PALM2AKAP2: variants seen among roughly 807,000 people sequenced by gnomAD.
PALM2AKAP2 encodes PALM2-AKAP2 fusion protein.
PALM2AKAP2 carries 37 observed loss-of-function variants against 71.5 expected under a neutral mutation model. The ratio of observed to expected loss-of-function variants is 0.52; its 90% CI spans 0.40 to 0.68. The LOEUF (loss-of-function observed/expected upper bound fraction) is 0.68, where lower values mean the gene tolerates loss of function less well. Among genes scored for constraint, PALM2AKAP2 ranks in the 30% least tolerant of loss-of-function variants. The probability of loss-of-function intolerance (pLI) is 0.00; values close to 1 mark genes in which losing one functional copy is unlikely to be tolerated. For missense variants in PALM2AKAP2, 1,224 were observed against 1,191.8 expected (o/e 1.03, Z -0.40); for synonymous variants, 468 against 478.8 (o/e 0.98, Z 0.29).
intron 2 of PALM2AKAP2, among the ~76,000 whole-genome samples, chr9:109,875,533 T>C (rs1236321327): frequency 6.6e-6 from 1 of 152,168 alleles, no homozygotes; most frequent in Non-Finnish European, 1.5e-5. Flanking sequence ...GGAGTTCTTT[T>C]AGATTATGGT....
At chr9:110,079,930 C>T (rs760312800) in intron 1 of PALM2AKAP2, among the ~76,000 whole-genome samples, 11 of 151,736 alleles carry the variant, frequency 7.2e-5, no homozygotes, top group Admixed American at 2.0e-4. Context: ...ATTTGCTGGG[C>T]GTGGTGGCAG....
upstream of PALM2AKAP2, among the ~76,000 whole-genome samples, chr9:109,779,079 T>C (rs766645852): frequency 1.3e-5 from 2 of 152,240 alleles, no homozygotes; most frequent in African/African-American, 2.4e-5. Context: ...CTGATGTGTA[T>C]ATCTTTTAAC....
At chr9:109,994,126 G>A (rs1362538657) in intron 6 of PALM2AKAP2, among the ~76,000 whole-genome samples, 1 of 152,208 alleles carries the variant, frequency 6.6e-6, no homozygotes, top group Non-Finnish European at 1.5e-5. Flanking sequence ...AGGGAGGACG[G>A]GAGGAACTCC....
intron 1 of PALM2AKAP2, among the ~76,000 whole-genome samples, chr9:109,683,855 C>T (rs1827772015): frequency 6.6e-6 from 1 of 151,750 alleles, no homozygotes; most frequent in African/African-American, 2.4e-5. Flanking sequence ...ATTAATTATA[C>T]ATGATAATGT....
At chr9:109,863,452 G>T (rs1829367096) in intron 1 of PALM2AKAP2, among the ~76,000 whole-genome samples, 1 of 152,202 alleles carries the variant, frequency 6.6e-6, no homozygotes, top group African/African-American at 2.4e-5. Context: ...GCTTGAGATG[G>T]TGACTGCATG....
intron 7 of PALM2AKAP2, among the ~76,000 whole-genome samples, chr9:110,043,127 T>G (rs1337071985): frequency 6.6e-6 from 1 of 152,160 alleles, no homozygotes; most frequent in Non-Finnish European, 1.5e-5. Context: ...TTCTTACTTG[T>G]TACATCCATT....
intron 6 of PALM2AKAP2, among the ~76,000 whole-genome samples, chr9:109,999,174 A>G (rs1438076605): frequency 1.3e-5 from 2 of 152,008 alleles, no homozygotes; most frequent in Non-Finnish European, 2.9e-5. Context: ...TCCCGTCTCT[A>G]CTAAAAATAC....
chr9:110,053,636 G>T (rs910352905), intron 1 of PALM2AKAP2, among the ~76,000 whole-genome samples: 6 of 151,976 alleles, frequency 3.9e-5, no homozygotes, highest in African/African-American at 1.4e-4. Flanking sequence ...AGAGTGCCCC[G>T]CATAGGCCGT....
chr9:109,705,720 T>C (rs7047739), intron 1 of PALM2AKAP2, among the ~76,000 whole-genome samples: 6,472 of 152,270 alleles, frequency 0.043, 277 homozygotes, highest in African/African-American at 0.11. Context: ...AGTGCACAGA[T>C]ATTTGGAGTC....
chr9:109,666,159 C>A (rs541406209), intron 1 of PALM2AKAP2, among the ~76,000 whole-genome samples: 1 of 152,284 alleles, frequency 6.6e-6, no homozygotes, highest in Admixed American at 6.5e-5. Flanking sequence ...GAGGTGATGC[C>A]CTGCCCTGCT....
chr9:110,013,664 T>G (rs1832923265), intron 6 of PALM2AKAP2, among the ~76,000 whole-genome samples: 2 of 152,234 alleles, frequency 1.3e-5, no homozygotes, highest in Non-Finnish European at 2.9e-5. Context: ...AATTGAATTA[T>G]AGCCAAACAG....
exon 2 of PALM2AKAP2, chr9:110,136,277 C>T: frequency 6.2e-7 from 1 of 1,614,106 alleles, no homozygotes. Context: ...TAAAAGTGTT[C>T]CTGGAATCAC....
rs570513030 is a variant in PALM2AKAP2, at chr9:109,989,892, A to G, written c.497-26062A>G. Reference sequence around the variant, plus strand: ...CCTAAAGATCCCTCTCCTAATCTAAATGCTGAACTTCCACGTCAGTTAAGG... The same window carrying G: ...CCTAAAGATCCCTCTCCTAATCTAAGTGCTGAACTTCCACGTCAGTTAAGG... On this transcript the variant is annotated intron_variant, in intron 6 of 9. Transcript: ENST00000302798. Among the ~76,000 whole-genome samples, 144 of 152,322 alleles carry G rather than the reference A, an allele frequency of 9.5e-4. 2 individuals are homozygous for G. The highest frequency in any genetic ancestry group is 3.4e-3 in the African/African-American group (140 of 41,570).
chr9:109,919,733 A>C (rs1341817065), intron 3 of PALM2AKAP2, among the ~76,000 whole-genome samples: 1 of 85,078 alleles, frequency 1.2e-5, no homozygotes, highest in Non-Finnish European at 2.4e-5. Context: ...GTGTGTATAC[A>C]TATGTGTGTG....
intron 1 of PALM2AKAP2, among the ~76,000 whole-genome samples, chr9:109,769,372 A>G (rs568424122): frequency 6.6e-6 from 1 of 152,286 alleles, no homozygotes; most frequent in African/African-American, 2.4e-5. Context: ...CTGGGGTTTG[A>G]AACCTGATGC....
rs546105204 is a variant in PALM2AKAP2, at chr9:110,103,812, A to G, written c.157-32315A>G. ...ATCTGAGGCCAAGACCTCCAGAATTAGATGGGCCTTTGTTCCCAGAGCCTC... is the reference window on the plus strand; with the variant it reads ...ATCTGAGGCCAAGACCTCCAGAATTGGATGGGCCTTTGTTCCCAGAGCCTC... On this transcript the variant is annotated intron_variant, in intron 1 of 3. Transcript: ENST00000374525. Among the ~76,000 whole-genome samples, 9 of 152,350 alleles carry G rather than the reference A, an allele frequency of 5.9e-5. No homozygotes were observed. In the East Asian group the frequency reaches 1.7e-3, roughly 29 times the overall value.
chr9:109,926,543 G>A (rs945994964), intron 5 of PALM2AKAP2, among the ~76,000 whole-genome samples: 2 of 152,162 alleles, frequency 1.3e-5, no homozygotes, highest in South Asian at 2.1e-4. Context: ...AGCATGGGGA[G>A]GATGGCAGGC....
chr9:110,025,404 T>TC, intron 7 of PALM2AKAP2: 2 of 747,858 alleles, frequency 2.7e-6, no homozygotes, highest in East Asian at 5.0e-5. Flanking sequence ...AAAGGCTTTT[T>TC]TTTTTTTTGT....
At position 110,140,993 on chromosome 9, in the gene PALM2AKAP2, C is replaced by T. The variant is rs551938695; in HGVS notation, c.2569+2454C>T. The stretch of plus-strand genomic sequence containing the variant: ...GGGGGGGCGGGCACAAACATTCAGA[C>T]CGTAGCATGAGTATTTTCAGGCTTC... On this transcript the variant is annotated intron_variant, in intron 2 of 3. Coordinates refer to ENST00000374525, the Ensembl canonical transcript of PALM2AKAP2. Among the ~76,000 whole-genome samples, 4 of 152,342 alleles carry T rather than the reference C, an allele frequency of 2.6e-5. No homozygotes were observed. The South Asian group carries it at 8.3e-4, about 32-fold the overall frequency.
Sources: allele counts gnomAD v4.1 joint callset (sites outside exome capture counted in the v4.1 genomes callset), GRCh38; gene constraint gnomAD v4.1.1; transcripts MANE v1.5; gene names NCBI Gene and HGNC (gene_info 2026-07-23, HGNC 2026-07-21).